Variants in XPC observed in about 807,000 individuals in gnomAD.
XPC encodes the protein DNA repair protein complementing XP-C cells.
A neutral mutation model predicts 95.8 loss-of-function variants in XPC; 76 were observed. The observed-to-expected ratio is 0.79, with a 90% CI of 0.66 to 0.96. XPC has a LOEUF of 0.96. Ranked by LOEUF, XPC falls within the 40% of genes least tolerant of loss-of-function variation. The probability of loss-of-function intolerance (pLI) is 0.00; values close to 1 mark genes in which losing one functional copy is unlikely to be tolerated. For missense variants in XPC, 1,146 were observed against 1,179.8 expected (o/e 0.97, Z 0.42); for synonymous variants, 442 against 442.1 (o/e 1.00, Z 0.00).
chr3:14,165,024 C>T (rs552170187), intron 6 of XPC, 91 bp from the exon 7 acceptor site: 15 of 1,491,660 alleles, frequency 1.0e-5, no homozygotes, highest in South Asian at 4.1e-5. Flanking sequence ...GGGAGTGAAT[C>T]GTGAGACCCG....
intron 1 of XPC, among the ~76,000 whole-genome samples, chr3:14,175,555 G>C (rs141742361): frequency 1.4e-4 from 21 of 152,238 alleles, no homozygotes; most frequent in African/African-American, 5.1e-4. Flanking sequence ...CTGGAACAGT[G>C]TGTGAAAATA....
chr3:14,152,749 C>T (rs2125016255), intron 10 of XPC: 1 of 256,024 alleles, frequency 3.9e-6, no homozygotes, highest in Non-Finnish European at 7.5e-6. Context: ...GGGTAAAGGC[C>T]GCTGTGCGCA....
At chr3:14,161,629 TAAAA>T (rs199661800) in intron 7 of XPC, among the ~76,000 whole-genome samples, 1 of 122,850 alleles carries the variant, frequency 8.1e-6, no homozygotes, top group Non-Finnish European at 1.8e-5. Flanking sequence ...CTTTCATGAT[TAAAA>T]AAAAAAAAAA....
rs587778762 is a variant in XPC at position 14,158,654 on chromosome 3, T to C, written c.1229A>G (p.Glu410Gly). 24 of 1,613,890 alleles carry C rather than the reference T, an allele frequency of 1.5e-5. No homozygotes were observed. The highest frequency in any genetic ancestry group is 1.9e-5 in the Non-Finnish European group (22 of 1,179,864). ...ATGCGGACGTCGCTGGGTTGCCTTC[T>C]CCTGCTTGTCTCCTGGGCCCTCATC... ...EEDEGPGDKQ[E>G]KATQRRPHGR... The change falls in exon 9 of 16, where the codon GAG becomes GGG. Residue 410 changes from glutamate (E) to glycine (G), a missense_variant. Transcript: ENST00000285021. The surrounding 1 kb of genome is among the most constrained non-coding windows in gnomAD (Gnocchi z 5.2).
At chr3:14,167,721 T>A (rs980954760) in intron 4 of XPC, among the ~76,000 whole-genome samples, 1 of 152,232 alleles carries the variant, frequency 6.6e-6, no homozygotes, top group Non-Finnish European at 1.5e-5. Context: ...TGATTTGTAT[T>A]ATCTCCCTCT....
chr3:14,168,518 A>G (rs1696481696), intron 3 of XPC, 138 bp from the exon 4 acceptor site: 1 of 1,057,442 alleles, frequency 9.5e-7, no homozygotes. Flanking sequence ...AGACCCCTAG[A>G]CATGCCTTGC....
chr3:14,151,180 G>A (rs1312893674), intron 11 of XPC, among the ~76,000 whole-genome samples: 1 of 152,196 alleles, frequency 6.6e-6, no homozygotes, highest in Non-Finnish European at 1.5e-5. Context: ...CACCTGAAAC[G>A]TGGCTGGTCT....
At chr3:14,171,246 G>C (rs1696599974) in intron 2 of XPC, among the ~76,000 whole-genome samples, 1 of 152,228 alleles carries the variant, frequency 6.6e-6, no homozygotes, top group Non-Finnish European at 1.5e-5. Flanking sequence ...TTGGTACCAA[G>C]TGAGAATATT....
Position 14,147,929 on chromosome 3 carries a change from G to T in XPC, c.2493C>A (p.Val831=). 1.2e-6 allele frequency: 2 copies of T among 1,602,828 alleles called. No individual in the cohort carries two copies. The highest frequency in any genetic ancestry group is 1.7e-6 in the Non-Finnish European group (2 of 1,174,220). Residue 831 remains valine (V), a synonymous_variant, in exon 14 of 16, where the codon GTC becomes GTA. Coordinates refer to ENST00000285021, the MANE Select transcript of XPC (RefSeq NM_004628.5). ...LLTAWENEQA[V]IERKEKEKKE... ...TTACCTCCTTCTCCTTCCTTTCAAT[G>T]ACTGCCTGCTCATTTTCCCAGGCAG... is the stretch of plus-strand genomic sequence containing the variant.
At chr3:14,152,519 C>G in intron 10 of XPC, 103 bp from the exon 11 acceptor site, 1 of 1,169,608 alleles carries the variant, frequency 8.5e-7, no homozygotes, top group Non-Finnish European at 1.2e-6. Flanking sequence ...TCCTCAGGTT[C>G]AGCCACCCTG....
intron 4 of XPC, 85 bp from the exon 5 acceptor site, chr3:14,167,338 T>G: frequency 3.4e-6 from 4 of 1,181,194 alleles, no homozygotes; most frequent in Non-Finnish European, 4.8e-6. Context: ...TCTCCTCGGA[T>G]GACAGTGAAT....
intron 1 of XPC, among the ~76,000 whole-genome samples, chr3:14,177,143 C>G (rs1347423235): frequency 2.0e-5 from 3 of 152,118 alleles, no homozygotes; most frequent in Non-Finnish European, 4.4e-5. Flanking sequence ...AATCCACGGG[C>G]CCTGCATCCA....
At chr3:14,165,632 C>A in intron 5 of XPC, 47 bp from the exon 6 acceptor site, 2 of 1,601,112 alleles carry the variant, frequency 1.2e-6, no homozygotes, top group Non-Finnish European at 1.7e-6. Context: ...GAAGGCCGGA[C>A]ACCAGGAGGA....
At chr3:14,177,491 C>G (rs546360195) in intron 1 of XPC, among the ~76,000 whole-genome samples, 1 of 151,916 alleles carries the variant, frequency 6.6e-6, no homozygotes, top group East Asian at 1.9e-4. Context: ...GAAGGAACAT[C>G]AAAGGAAAAG....
chr3:14,153,098 C>A (rs902783930), intron 10 of XPC: 1 of 152,218 alleles, frequency 6.6e-6, no homozygotes, highest in Admixed American at 6.5e-5. Flanking sequence ...TAGTTTGCAC[C>A]CCCTTCACTC....
intron 10 of XPC, chr3:14,153,208 A>C (rs532810654): frequency 2.6e-5 from 4 of 152,414 alleles, no homozygotes; most frequent in African/African-American, 9.6e-5. Context: ...ATTTCAGCAC[A>C]GCACAATGGA....
rs774132812 is a variant in XPC at position 14,165,455 on chromosome 3, G to C, written c.752C>G (p.Thr251Ser). ...CTTCACCAGGTTTGAGAGGTAGTAG[G>C]TGTCCACATCTCGAGGCAGCACTCT... ...FTRVLPRDVD[T>S]YYLSNLVKWF... The change falls in exon 6 of 16, where the codon ACC becomes AGC. Residue 251 changes from threonine (T) to serine (S), a missense_variant. By Grantham distance (58) the Thr-to-Ser change is moderately conservative. Transcript: ENST00000285021. 1.3e-6 allele frequency: 2 copies of C among 1,599,778 alleles called. No homozygotes were observed. Among genetic ancestry groups the C allele is most frequent in the Non-Finnish European group, 1.7e-6 (2 of 1,173,114 alleles).
In XPC at chr3:14,145,615, T is replaced by C; in HGVS notation, c.*326A>G. On this transcript the variant is annotated 3_prime_UTR_variant, in exon 16 of 16. Coordinates refer to ENST00000285021, the MANE Select transcript of XPC (RefSeq NM_004628.5). Reference sequence around the variant, plus strand: ...GCTTCCATACAAAAACTGATGTTTCTAAAGATGGAAAGAACAGGTCTAGGA... The same window carrying C: ...GCTTCCATACAAAAACTGATGTTTCCAAAGATGGAAAGAACAGGTCTAGGA... 2 of 699,470 alleles carry C rather than the reference T, an allele frequency of 2.9e-6. No homozygotes were observed. The highest frequency in any genetic ancestry group is 2.6e-6 in the Non-Finnish European group (1 of 384,758). 43.3% of individuals were successfully genotyped at this position (699,470 alleles called of 1,614,324 possible).
chr3:14,152,675 A>C, intron 10 of XPC: 1 of 415,638 alleles, frequency 2.4e-6, no homozygotes, highest in Non-Finnish European at 4.3e-6. Flanking sequence ...CCTCCCCTTC[A>C]TAGGTTTTCT....
Sources: allele counts gnomAD v4.1 joint callset (sites outside exome capture counted in the v4.1 genomes callset), GRCh38; gene constraint gnomAD v4.1.1; non-coding constraint Gnocchi (gnomAD v3.1); transcripts MANE v1.5; gene names NCBI Gene and HGNC (gene_info 2026-07-23, HGNC 2026-07-21).